The following FGF13 variants were observed in gnomAD, a reference collection of about 807,000 sequenced individuals.
FGF13 encodes the protein fibroblast growth factor 13.
A neutral mutation model predicts 19.5 loss-of-function variants in FGF13; 2 were observed. The ratio of observed to expected loss-of-function variants is 0.10; its 90% CI spans 0.04 to 0.32. The LOEUF is 0.32. Among genes scored for constraint, FGF13 ranks in the 10% least tolerant of loss-of-function variants. FGF13 has a pLI of 1.00. For missense variants in FGF13, 113 were observed against 192.7 expected (o/e 0.59, Z 2.45); for synonymous variants, 72 against 76.9 (o/e 0.94, Z 0.33).
rs750595406 is a variant in FGF13 at position 138,618,177 on chromosome X, G to A, written c.*14673C>T. ...TGGGAGTCTGGTAGTCCAGCTCACAGATGGAGCAAAACAATTACGAGAATA... is the reference window on the plus strand; with the variant it reads ...TGGGAGTCTGGTAGTCCAGCTCACAAATGGAGCAAAACAATTACGAGAATA... On this transcript the variant is annotated 3_prime_UTR_variant, in exon 5 of 5. Coordinates refer to ENST00000315930, the MANE Select transcript of FGF13 (RefSeq NM_004114.5). 9.0e-6 allele frequency: 1 copy of A among 111,540 alleles called. No homozygotes were observed. The highest frequency in any genetic ancestry group is 1.9e-5 in the Non-Finnish European group (1 of 53,143). The allele number at this position is 111,540 out of a possible 1,213,427, so 9.2% of individuals were successfully genotyped here. A position where few individuals can be genotyped will look rare whatever the true frequency, so the allele number is the denominator to read the frequency against.
Position 138,616,426 on chromosome X carries a change from T to C in FGF13, c.*16424A>G, listed in dbSNP as rs941106308. On this transcript the variant is annotated 3_prime_UTR_variant, in exon 5 of 5. Coordinates refer to ENST00000315930, the MANE Select transcript of FGF13 (RefSeq NM_004114.5). ...CTCACATCTATCCAGGTCACAATGATGCAAGGGGTGGGCTCCCACAGCCTT... is the reference window on the plus strand; with the variant it reads ...CTCACATCTATCCAGGTCACAATGACGCAAGGGGTGGGCTCCCACAGCCTT... 3 of 112,874 alleles carry C rather than the reference T, an allele frequency of 2.7e-5. No homozygotes were observed. The highest frequency in any genetic ancestry group is 9.7e-5 in the African/African-American group (3 of 31,086). The allele number at this position is 112,874 out of a possible 1,213,427, so 9.3% of individuals were successfully genotyped here. A position where few individuals can be genotyped will look rare whatever the true frequency, so the allele number is the denominator to read the frequency against.
rs141102556 is a variant in FGF13, at chrX:139,075,127, A to T, written c.-113+128289T>A. On this transcript the variant is annotated intron_variant, in intron 1 of 2. Coordinates refer to the FGF13 transcript ENST00000421460. ...AACTTGATTAACAACTCACTTCCTG[A>T]CTAGGTATTAAGCTACAAAATGATC... 7.2e-4 allele frequency among the ~76,000 whole-genome samples: 81 copies of T among 112,007 alleles called. No individual in the cohort carries two copies. The East Asian group carries it at 0.022, about 30-fold the overall frequency.
rs2089103836 is a variant in FGF13, at chrX:138,630,327, G to C, written c.*2523C>G. 1 of 111,255 alleles carries C rather than the reference G, an allele frequency of 9.0e-6. No homozygotes were observed. The highest frequency in any genetic ancestry group is 9.7e-5 in the Admixed American group (1 of 10,356). The allele number at this position is 111,255 out of a possible 1,213,427, so 9.2% of individuals were successfully genotyped here. The stretch of plus-strand genomic sequence containing the variant: ...AAAAGCAAGACCAGCAACTGAAGTA[G>C]TCAGTGACCAAACTTTAAAGTTCTT... On this transcript the variant is annotated 3_prime_UTR_variant, in exon 5 of 5. Coordinates refer to ENST00000315930, the MANE Select transcript of FGF13 (RefSeq NM_004114.5).
intron 1 of FGF13, among the ~76,000 whole-genome samples, chrX:138,865,432 TTC>T (rs1304504230): frequency 8.9e-4 from 88 of 98,999 alleles, no homozygotes; most frequent in Non-Finnish European, 8.7e-4. Flanking sequence ...CCTCTCTCTC[TTC>T]TCTCTCTCTC....
chrX:139,066,457 G>A lies in FGF13; in HGVS notation c.-113+136959C>T, dbSNP rs750958851. On this transcript the variant is annotated intron_variant, in intron 1 of 2. Transcript: ENST00000421460. ...GAGATAAGAATCAAATAGACACAAC[G>A]AAAAATGATAAAGGGGTATCACCAC... Among the ~76,000 whole-genome samples the A allele has an allele frequency of 7.2e-5, 8 of 111,491 alleles. No homozygotes were observed. The East Asian group carries it at 8.5e-4, about 12-fold the overall frequency.
intron 1 of FGF13, among the ~76,000 whole-genome samples, chrX:138,881,470 G>A (rs952357478): frequency 3.6e-5 from 4 of 111,980 alleles, no homozygotes; most frequent in African/African-American, 6.5e-5. Flanking sequence ...TTATGGAAGT[G>A]TTTGAGCAGG....
chrX:138,644,604 T>C (rs1048523774), intron 3 of FGF13, among the ~76,000 whole-genome samples: 2 of 111,804 alleles, frequency 1.8e-5, no homozygotes, highest in African/African-American at 6.5e-5. Flanking sequence ...ATCACACTTT[T>C]GACACACATT....
intron 3 of FGF13, among the ~76,000 whole-genome samples, chrX:138,818,359 A>C (rs1312262903): frequency 9.1e-6 from 1 of 110,442 alleles, no homozygotes; most frequent in African/African-American, 3.3e-5. Flanking sequence ...AGTCTACTTA[A>C]GGAAGGCTAT....
chrX:138,683,591 C>T (rs2089750969), intron 3 of FGF13, among the ~76,000 whole-genome samples: 2 of 111,576 alleles, frequency 1.8e-5, no homozygotes, highest in Non-Finnish European at 1.9e-5. Flanking sequence ...AATGATTTAA[C>T]AACTAATTGC....
At position 139,038,678 on chromosome X, in the gene FGF13, T is replaced by A. The variant is rs186225873; in HGVS notation, c.-113+164738A>T. ...CTTATCATTTGGATCTGTTTGGATG[T>A]CATCTCTTAACGAAGTCCTCTCTTC... On this transcript the variant is annotated intron_variant, in intron 1 of 2. Transcript: ENST00000421460. Among the ~76,000 whole-genome samples, 3 of 112,038 alleles carry A rather than the reference T, an allele frequency of 2.7e-5. No individual in the cohort carries two copies. The East Asian group carries it at 8.5e-4, about 32-fold the overall frequency.
At chrX:139,204,369 G>T (rs2084447857), upstream of FGF13, 1 of 262,411 alleles carries the variant, frequency 3.8e-6, no homozygotes, top group Non-Finnish European at 6.7e-6. Context: ...GGGAGGAGCC[G>T]CTCGCCGCGC....
chrX:138,932,222 A>G (rs2091705158), intron 1 of FGF13, among the ~76,000 whole-genome samples: 1 of 111,940 alleles, frequency 8.9e-6, no homozygotes, highest in South Asian at 3.7e-4. Flanking sequence ...GCTTAGTACC[A>G]TTTGCAGCAA....
intron 1 of FGF13, among the ~76,000 whole-genome samples, chrX:139,004,445 A>G (rs986652350): frequency 8.9e-6 from 1 of 112,420 alleles, no homozygotes; most frequent in Non-Finnish European, 1.9e-5. Context: ...AGTGGGCTCC[A>G]GCCTTGGCCA....
chrX:139,175,401 C>G (rs984683916), intron 1 of FGF13, among the ~76,000 whole-genome samples: 2 of 111,934 alleles, frequency 1.8e-5, no homozygotes, highest in Non-Finnish European at 3.8e-5. Context: ...ATTTCTTTTT[C>G]TTGCCTGATT....
intron 3 of FGF13, among the ~76,000 whole-genome samples, chrX:138,808,303 A>G (rs768365971): frequency 1.2e-4 from 13 of 112,153 alleles, no homozygotes; most frequent in Admixed American, 2.8e-4. Context: ...AAAACCGCTC[A>G]ACTGCAAGGA....
At chrX:138,777,532 T>A (rs934575863) in intron 3 of FGF13, among the ~76,000 whole-genome samples, 1 of 110,448 alleles carries the variant, frequency 9.1e-6, no homozygotes, top group Non-Finnish European at 1.9e-5. Context: ...CTGGAGCAGG[T>A]GGGTGGAAAT....
chrX:139,163,600 G>A lies in FGF13; in HGVS notation c.-113+39816C>T, dbSNP rs182521064. On this transcript the variant is annotated intron_variant, in intron 1 of 2. Coordinates refer to the FGF13 transcript ENST00000421460. ...TGGAGAAATCAAACTCAAGGATAGTGAGGGAGTCCTGGTCACATTGTTGGA... is the reference window on the plus strand; with the variant it reads ...TGGAGAAATCAAACTCAAGGATAGTAAGGGAGTCCTGGTCACATTGTTGGA... Among the ~76,000 whole-genome samples the A allele has an allele frequency of 1.8e-3, 198 of 111,259 alleles. 1 individual carries two copies. Among genetic ancestry groups the A allele is most frequent in the African/African-American group, 5.4e-3 (165 of 30,544 alleles).
chrX:139,056,717 A>G (rs952947438), intron 1 of FGF13, among the ~76,000 whole-genome samples: 3 of 112,054 alleles, frequency 2.7e-5, no homozygotes, highest in African/African-American at 9.8e-5. Context: ...TCAGAGTATA[A>G]AACAGAAGAT....
intron 1 of FGF13, among the ~76,000 whole-genome samples, chrX:138,871,783 G>T (rs750200396): frequency 9.0e-6 from 1 of 111,580 alleles, no homozygotes; most frequent in South Asian, 3.8e-4. Context: ...AGAAAATGAA[G>T]GAGACCAGTA....
Sources: gnomAD v4.1 joint callset for allele counts (sites outside exome capture counted in the v4.1 genomes callset) on GRCh38, gnomAD v4.1.1 for gene constraint, MANE v1.5 for transcripts, NCBI Gene and HGNC (gene_info 2026-07-23, HGNC 2026-07-21) for gene names.